Variants in GK3 observed in about 807,000 individuals in gnomAD.
GK3 encodes the protein glycerol kinase 3 pseudogene.
the GK3 span, chr4:165,278,999 T>C: frequency 6.7e-7 from 1 of 1,497,246 alleles, no homozygotes; most frequent in Non-Finnish European, 9.3e-7. Flanking sequence ...GAGTTGTTTA[T>C]CCCATTCCAA....
At chr4:165,279,126 G>T in the GK3 span, 2 of 1,601,536 alleles carry the variant, frequency 1.2e-6, no homozygotes, top group East Asian at 2.2e-5. Context: ...GTCCCAAAAA[G>T]AGCTCGTTTT....
the GK3 span, chr4:165,278,917 C>G: frequency 3.5e-5 from 49 of 1,411,200 alleles, no homozygotes; most frequent in East Asian, 1.1e-3. Context: ...CCCCCGCTTT[C>G]ATTAGGCCAT....
At chr4:165,278,912 G>A in the GK3 span, 66 of 1,399,868 alleles carry the variant, frequency 4.7e-5, no homozygotes, top group South Asian at 2.6e-4. Flanking sequence ...CAAGGCCCCC[G>A]CTTTCATTAG....
chr4:165,279,537 T>C, the GK3 span: 5 of 1,553,854 alleles, frequency 3.2e-6, no homozygotes, highest in Non-Finnish European at 4.4e-6. Flanking sequence ...TGATGATGAC[T>C]AAGTAGTTCA....
the GK3 span, chr4:165,278,381 A>G: frequency 7.4e-7 from 1 of 1,344,248 alleles, no homozygotes. Context: ...ATCAACCTGC[A>G]AATGACTGAG....
the GK3 span, chr4:165,278,664 C>T: frequency 1.9e-6 from 3 of 1,599,568 alleles, no homozygotes; most frequent in Non-Finnish European, 2.6e-6. Context: ...CAGCGAATAA[C>T]AGCACCAGCT....
the GK3 span, chr4:165,278,569 G>A: frequency 2.5e-6 from 4 of 1,610,794 alleles, no homozygotes; most frequent in Admixed American, 1.7e-5. Context: ...CTGGGACGAA[G>A]TAGCAGCCAT....
At chr4:165,279,334 A>G in the GK3 span, 1 of 1,571,608 alleles carries the variant, frequency 6.4e-7, no homozygotes, top group Non-Finnish European at 8.8e-7. Flanking sequence ...GAGGCTCTCC[A>G]GTTATCTTGT....
the GK3 span, chr4:165,277,891 A>G: frequency 3.6e-6 from 3 of 839,876 alleles, no homozygotes; most frequent in Non-Finnish European, 6.3e-6. Flanking sequence ...ATCAAAGTCT[A>G]TGAATAGTGT....
chr4:165,279,035 C>T, the GK3 span: 7 of 1,505,740 alleles, frequency 4.6e-6, no homozygotes, highest in Non-Finnish European at 6.5e-6. Context: ...AAGCATAGTC[C>T]TACTTGCATT....
the GK3 span, chr4:165,278,797 A>G: frequency 6.5e-7 from 1 of 1,544,906 alleles, no homozygotes; most frequent in Non-Finnish European, 9.0e-7. Flanking sequence ...ATAGTAAGAA[A>G]CATCCTGTTC....
chr4:165,279,452 TAGAC>T, the GK3 span: 3 of 1,600,062 alleles, frequency 1.9e-6, no homozygotes, highest in Non-Finnish European at 2.6e-6. Context: ...TATACACTCA[TAGAC>T]AGAATGTAGA....
At chr4:165,279,691 TG>T in the GK3 span, 1 of 1,526,124 alleles carries the variant, frequency 6.6e-7, no homozygotes, top group African/African-American at 1.4e-5. Context: ...GTTTCCTGGG[TG>T]ACGGCGGCGG....
At chr4:165,278,002 G>C in the GK3 span, 3 of 1,427,558 alleles carry the variant, frequency 2.1e-6, no homozygotes, top group Non-Finnish European at 3.0e-6. Context: ...TACCTGAGAT[G>C]TACCTTGCTC....
At chr4:165,278,139 A>T in the GK3 span, 2 of 1,527,968 alleles carry the variant, frequency 1.3e-6, no homozygotes, top group Non-Finnish European at 1.8e-6. Flanking sequence ...GCTTTCTTCC[A>T]TGTAGAATAA....
chr4:165,278,601 C>T, the GK3 span: 1 of 1,599,450 alleles, frequency 6.3e-7, no homozygotes, highest in Non-Finnish European at 8.6e-7. Flanking sequence ...ACTTCTTTAG[C>T]AAGTTTTTCA....
the GK3 span, chr4:165,279,609 C>T: frequency 6.2e-7 from 1 of 1,611,400 alleles, no homozygotes; most frequent in Admixed American, 1.7e-5. Context: ...ACTGCCCCCA[C>T]CAATGGCCCC....
the GK3 span, chr4:165,278,690 T>A: frequency 6.2e-7 from 1 of 1,604,276 alleles, no homozygotes; most frequent in Non-Finnish European, 8.5e-7. Flanking sequence ...TACAGAACCT[T>A]CCAAAGCGTA....
chr4:165,278,675 A>G, the GK3 span: 7 of 1,601,126 alleles, frequency 4.4e-6, no homozygotes, highest in Admixed American at 5.0e-5. Flanking sequence ...AGCACCAGCT[A>G]TAGCTACAGA....
Sources: allele counts gnomAD v4.1 joint callset, GRCh38; gene constraint gnomAD v4.1.1; transcripts MANE v1.5; gene names NCBI Gene and HGNC (gene_info 2026-07-23, HGNC 2026-07-21).